ZMIZ1: variants seen among roughly 807,000 people sequenced by gnomAD.
ZMIZ1 encodes zinc finger MIZ-type containing 1, also known as zinc finger MIZ domain-containing protein 1.
A neutral mutation model predicts 113.9 loss-of-function variants in ZMIZ1; 17 were observed. The ratio of observed to expected loss-of-function variants is 0.15; its 90% CI spans 0.10 to 0.22. The LOEUF is 0.22. Ranked by LOEUF, ZMIZ1 falls within the 10% of genes least tolerant of loss-of-function variation. The pLI, the probability that ZMIZ1 is intolerant of heterozygous loss-of-function variation, is 1.00. For synonymous variants in ZMIZ1, 607 were observed against 603.1 expected (o/e 1.01, Z -0.09); for missense variants, 1,059 against 1,477.8 (o/e 0.72, Z 4.65).
intron 2 of ZMIZ1, among the ~76,000 whole-genome samples, chr10:79,124,386 G>C (rs559663269): frequency 2.0e-5 from 3 of 152,224 alleles, no homozygotes; most frequent in Non-Finnish European, 2.9e-5. Flanking sequence ...GGTCACACAG[G>C]TTATAGTGGA....
intron 4 of ZMIZ1, among the ~76,000 whole-genome samples, chr10:79,162,966 G>A (rs980286120): frequency 5.3e-5 from 8 of 152,202 alleles, no homozygotes; most frequent in African/African-American, 1.4e-4. Context: ...GCTCTGTCCC[G>A]TGCCCCAGCA....
chr10:79,079,853 C>T (rs905334642), intron 1 of ZMIZ1, among the ~76,000 whole-genome samples: 7 of 152,250 alleles, frequency 4.6e-5, no homozygotes, highest in African/African-American at 9.6e-5. Context: ...GGAGTTGCCT[C>T]CTCTGGGTCA....
chr10:79,298,627 A>G (rs763451787), intron 15 of ZMIZ1, 47 bp downstream of exon 15: 3 of 1,530,170 alleles, frequency 2.0e-6, no homozygotes, highest in Non-Finnish European at 2.7e-6. Context: ...TGGGCCCCCC[A>G]GTGGGCCGGG....
chr10:79,279,635 C>T (rs1852573578), intron 8 of ZMIZ1, among the ~76,000 whole-genome samples: 1 of 152,154 alleles, frequency 6.6e-6, no homozygotes, highest in Non-Finnish European at 1.5e-5. Flanking sequence ...GAGATTGTAG[C>T]GAGCCGAGAT....
At chr10:79,214,046 A>G (rs961205068) in intron 6 of ZMIZ1, among the ~76,000 whole-genome samples, 1 of 152,164 alleles carries the variant, frequency 6.6e-6, no homozygotes, top group African/African-American at 2.4e-5. Context: ...CTGAAGTTCT[A>G]CAAAGAGGGA....
chr10:79,102,489 T>G (rs1042734730), intron 1 of ZMIZ1, among the ~76,000 whole-genome samples: 1 of 152,208 alleles, frequency 6.6e-6, no homozygotes, highest in East Asian at 1.9e-4. Context: ...TGTGGGGGTC[T>G]CAGCAAGGCT....
At chr10:79,284,645 T>C (rs1235735070) in intron 8 of ZMIZ1, among the ~76,000 whole-genome samples, 1 of 152,226 alleles carries the variant, frequency 6.6e-6, no homozygotes, top group Non-Finnish European at 1.5e-5. Flanking sequence ...CTCATGTTTC[T>C]TAGGAAAGTG....
At chr10:79,242,473 C>G (rs1055055289) in intron 7 of ZMIZ1, among the ~76,000 whole-genome samples, 1 of 152,182 alleles carries the variant, frequency 6.6e-6, no homozygotes, top group Non-Finnish European at 1.5e-5. Context: ...GGCCGCCTAC[C>G]TTCTCCACCC....
At chr10:79,258,203 G>A (rs187305593) in intron 7 of ZMIZ1, among the ~76,000 whole-genome samples, 1 of 152,106 alleles carries the variant, frequency 6.6e-6, no homozygotes, top group Non-Finnish European at 1.5e-5. Context: ...GCAACATGGC[G>A]AGGACTCATC....
In ZMIZ1 at chr10:79,237,690, G is replaced by A. The variant is rs148925693; in HGVS notation, c.280+21416G>A. On this transcript the variant is annotated intron_variant, in intron 7 of 24. Coordinates refer to ENST00000334512, the MANE Select transcript of ZMIZ1 (RefSeq NM_020338.4). ...CCCACCCTAATGACCTCATCTTAAC[G>A]TGGTCATCTGCAAAGGCCCTACTTC... Among the ~76,000 whole-genome samples, 10 of 152,306 alleles carry A rather than the reference G, an allele frequency of 6.6e-5. No homozygotes were observed. In the East Asian group the frequency reaches 1.2e-3, roughly 18 times the overall value.
chr10:79,086,643 G>A (rs1842823048), intron 1 of ZMIZ1, among the ~76,000 whole-genome samples: 1 of 152,196 alleles, frequency 6.6e-6, no homozygotes, highest in East Asian at 1.9e-4. Flanking sequence ...CCTCCTGCTG[G>A]GACTACCGGC....
At chr10:79,236,626 T>C (rs1290200218) in intron 7 of ZMIZ1, among the ~76,000 whole-genome samples, 5 of 152,196 alleles carry the variant, frequency 3.3e-5, no homozygotes, top group Non-Finnish European at 7.3e-5. Flanking sequence ...CTGAGCTTCC[T>C]GTCTGAACAG....
rs561962501 is a variant in ZMIZ1 at position 79,262,958 on chromosome 10, A to G, written c.281-14223A>G. ...CGGAAAAGGAATGGAACGACCGATT[A>G]GGAAGTCAAGACGTAGAAACATGAA... On this transcript the variant is annotated intron_variant, in intron 7 of 24. Transcript: ENST00000334512. Among the ~76,000 whole-genome samples, 7 of 152,368 alleles carry G rather than the reference A, an allele frequency of 4.6e-5. No homozygotes were observed. The South Asian group carries it at 1.2e-3, about 27-fold the overall frequency.
intron 8 of ZMIZ1, among the ~76,000 whole-genome samples, chr10:79,281,748 C>A (rs1852751680): frequency 6.6e-6 from 1 of 152,210 alleles, no homozygotes; most frequent in Non-Finnish European, 1.5e-5. Flanking sequence ...GGTGGAGGGC[C>A]TGCTAGACAA....
At position 79,184,000 on chromosome 10, in the gene ZMIZ1, A is replaced by C. The variant is rs149089007; in HGVS notation, c.-49-17584A>C. 3.3e-5 allele frequency among the ~76,000 whole-genome samples: 5 copies of C among 152,294 alleles called. No individual in the cohort carries two copies. In the East Asian group the frequency reaches 9.6e-4, roughly 29 times the overall value. On this transcript the variant is annotated intron_variant, in intron 4 of 24. Coordinates refer to ENST00000334512, the MANE Select transcript of ZMIZ1 (RefSeq NM_020338.4). The stretch of plus-strand genomic sequence containing the variant: ...TCCTGTCTACTTCATAGGGTTGTTT[A>C]AAGGAGATGAAGGGTGCAATATCAG...
chr10:79,297,510 G>C (rs1853978335), intron 13 of ZMIZ1, 103 bp from the exon 14 acceptor site: 1 of 977,748 alleles, frequency 1.0e-6, no homozygotes, highest in African/African-American at 1.6e-5. Flanking sequence ...ATGGGCCCCT[G>C]TAGCATCCCC....
At chr10:79,243,239 G>A (rs1325504212) in intron 7 of ZMIZ1, among the ~76,000 whole-genome samples, 1 of 150,798 alleles carries the variant, frequency 6.6e-6, no homozygotes, top group Non-Finnish European at 1.5e-5. Context: ...CGGGCCGTGG[G>A]AAGTTTCTCC....
At chr10:79,131,710 C>T (rs1340574751) in intron 2 of ZMIZ1, among the ~76,000 whole-genome samples, 2 of 152,166 alleles carry the variant, frequency 1.3e-5, no homozygotes, top group Non-Finnish European at 2.9e-5. Flanking sequence ...ACTCTGCTGC[C>T]CCCTGAGTTG....
intron 7 of ZMIZ1, among the ~76,000 whole-genome samples, chr10:79,244,706 T>C (rs1234312453): frequency 6.6e-6 from 1 of 152,208 alleles, no homozygotes; most frequent in Admixed American, 6.5e-5. Flanking sequence ...GTGCTTCTCA[T>C]TGGCCCATCT....
Sources: allele counts gnomAD v4.1 joint callset (sites outside exome capture counted in the v4.1 genomes callset), GRCh38; gene constraint gnomAD v4.1.1; transcripts MANE v1.5; gene names NCBI Gene and HGNC (gene_info 2026-07-23, HGNC 2026-07-21).